Variants in IARS1 observed in about 807,000 individuals in gnomAD.
IARS1 encodes isoleucyl-tRNA synthetase 1.
In IARS1, 124 loss-of-function variants were observed where a neutral mutation model predicts 168.2. The ratio of observed to expected loss-of-function variants is 0.74; its 90% CI spans 0.64 to 0.86. The LOEUF is 0.86. Ranked by LOEUF, IARS1 falls within the 40% of genes least tolerant of loss-of-function variation. IARS1 has a pLI of 0.00. For missense variants in IARS1, 1,452 were observed against 1,515.8 expected (o/e 0.96, Z 0.70); for synonymous variants, 532 against 529.4 (o/e 1.00, Z -0.07).
In IARS1 at chr9:92,258,874, T is replaced by G; in HGVS notation, c.1996A>C (p.Asn666His). 1 of 1,612,096 alleles carries G rather than the reference T, an allele frequency of 6.2e-7. No homozygotes were observed. Among genetic ancestry groups the G allele is most frequent in the Middle Eastern group, 1.7e-4 (1 of 5,962 alleles). The stretch of plus-strand genomic sequence containing the variant: ...CATACCTTCTGGAGCCTCAGAACGT[T>G]CTGGATTAAGAAGCGATAGGCATTG... ...WYNAYRFLIQ[N>H]VLRLQKEEEI... Residue 666 changes from asparagine (N) to histidine (H), a missense_variant, in exon 19 of 34, where the codon AAC becomes CAC. Coordinates refer to ENST00000443024, the MANE Select transcript of IARS1 (RefSeq NM_002161.6).
intron 10 of IARS1, among the ~76,000 whole-genome samples, chr9:92,273,986 T>C (rs1454255560): frequency 6.6e-6 from 1 of 152,252 alleles, no homozygotes; most frequent in African/African-American, 2.4e-5. Context: ...TGTTATTCTG[T>C]TTTTATTCAT....
At chr9:92,261,296 G>A (rs1831491023) in intron 17 of IARS1, among the ~76,000 whole-genome samples, 1 of 151,822 alleles carries the variant, frequency 6.6e-6, no homozygotes. Flanking sequence ...GTGATAGAGT[G>A]AGACTCTGTC....
intron 9 of IARS1, among the ~76,000 whole-genome samples, chr9:92,275,433 G>A (rs753043216): frequency 2.0e-5 from 3 of 151,980 alleles, no homozygotes; most frequent in African/African-American, 4.8e-5. Context: ...CACAGCACTC[G>A]GTTTCTTTGG....
At chr9:92,271,187 T>A in intron 11 of IARS1, 111 bp from the exon 12 acceptor site, 1 of 604,178 alleles carries the variant, frequency 1.7e-6, no homozygotes, top group Non-Finnish European at 2.8e-6. Context: ...ATAACAAATA[T>A]TATTTATTAT....
intron 15 of IARS1, 62 bp downstream of exon 15, chr9:92,265,418 A>G: frequency 7.1e-7 from 1 of 1,417,560 alleles, no homozygotes; most frequent in Non-Finnish European, 1.0e-6. Context: ...GTAATCTGCT[A>G]GAGACCAGGT....
chr9:92,222,511 T>C lies in IARS1; in HGVS notation c.3706+9A>G. The C allele has an allele frequency of 6.2e-7, 1 of 1,609,124 alleles. No individual in the cohort carries two copies. The highest frequency in any genetic ancestry group is 8.5e-7 in the Non-Finnish European group (1 of 1,178,542). ...AAAATAAAAAACTTACGGTCCACAA[T>C]CTCCTTACCCTGCGTTTGGGTCTCA... On this transcript the variant is annotated intron_variant, in intron 33 of 33. Transcript: ENST00000443024.
rs138699441 is a variant in IARS1 at position 92,242,130 on chromosome 9, A to T, written c.3177+24T>A. The T allele has an allele frequency of 6.9e-5, 109 of 1,581,064 alleles. 1 individual carries two copies. Among genetic ancestry groups the T allele is most frequent in the South Asian group, 4.3e-4 (38 of 89,036 alleles). ...ACCTAATCTGAAACCCTTTAGTAGT[A>T]GTTCAGTGGAACTCAGGACTCACCT... On this transcript the variant is annotated intron_variant, in intron 29 of 33. Transcript: ENST00000443024.
intron 21 of IARS1, 55 bp from the exon 22 acceptor site, chr9:92,251,940 TA>T (rs1198249950): frequency 2.4e-6 from 3 of 1,249,388 alleles, no homozygotes; most frequent in African/African-American, 1.5e-5. Flanking sequence ...TGTTTATCAT[TA>T]AAAAAATAAG....
At chr9:92,243,042 G>T in intron 28 of IARS1, 174 bp downstream of exon 28, 1 of 534,790 alleles carries the variant, frequency 1.9e-6, no homozygotes, top group Non-Finnish European at 3.5e-6. Context: ...GTGAACACGT[G>T]GGGAGAGGAA....
rs538302845 is a variant in IARS1 at position 92,274,115 on chromosome 9, T to G, written c.990+311A>C. ...CAGATTCCCCCTTCTGAACATTTAA[T>G]TAAGAACACAGCAGAGGTGATGGGA... On this transcript the variant is annotated intron_variant, in intron 10 of 33. Transcript: ENST00000443024. Among the ~76,000 whole-genome samples, 24 of 152,266 alleles carry G rather than the reference T, an allele frequency of 1.6e-4. 1 individual carries two copies. Among genetic ancestry groups the G allele is most frequent in the African/African-American group, 5.5e-4 (23 of 41,554 alleles).
chr9:92,273,203 G>A (rs1833338746), intron 10 of IARS1, among the ~76,000 whole-genome samples: 1 of 151,348 alleles, frequency 6.6e-6, no homozygotes, highest in Non-Finnish European at 1.5e-5. Flanking sequence ...TCTACTAAGA[G>A]TGGGGTAACC....
rs570511361 is a variant in IARS1 at position 92,237,584 on chromosome 9, C to A, written c.3283+3272G>T. ...TCTCCAACTATAGTTGTAGATTTGT[C>A]TATTTCTCCTTTAATGTCTGTATCT... On this transcript the variant is annotated intron_variant, in intron 30 of 33. Coordinates refer to ENST00000443024, the MANE Select transcript of IARS1 (RefSeq NM_002161.6). 5.9e-5 allele frequency among the ~76,000 whole-genome samples: 9 copies of A among 152,238 alleles called. No individual in the cohort carries two copies. In the South Asian group the frequency reaches 1.9e-3, roughly 32 times the overall value.
intron 30 of IARS1, among the ~76,000 whole-genome samples, chr9:92,231,286 AGT>A (rs917617302): frequency 6.6e-6 from 1 of 152,186 alleles, no homozygotes; most frequent in African/African-American, 2.4e-5. Flanking sequence ...TTCATAAACT[AGT>A]GTGTTTTATA....
At chr9:92,292,277 G>T (rs922844292) in intron 1 of IARS1, among the ~76,000 whole-genome samples, 13 of 150,942 alleles carry the variant, frequency 8.6e-5, no homozygotes, top group Non-Finnish European at 1.8e-4. Context: ...AGGCTAAAGC[G>T]ATCCTCTTGC....
At chr9:92,242,992 T>G in intron 28 of IARS1, 1 of 438,148 alleles carries the variant, frequency 2.3e-6, no homozygotes. Flanking sequence ...AAAAAAAGGA[T>G]GGGAAAAGGC....
chr9:92,239,882 G>C (rs919781435), intron 30 of IARS1, among the ~76,000 whole-genome samples: 2 of 152,164 alleles, frequency 1.3e-5, no homozygotes, highest in Non-Finnish European at 2.9e-5. Flanking sequence ...TGTCTGGCTA[G>C]AGTAGAGCAG....
chr9:92,253,518 T>A, intron 20 of IARS1, 65 bp from the exon 21 acceptor site: 1 of 1,031,782 alleles, frequency 9.7e-7, no homozygotes, highest in Non-Finnish European at 1.5e-6. Context: ...GGGGAGAGGG[T>A]TGGATACAAC....
rs142289796 is a variant in IARS1 at position 92,247,346 on chromosome 9, A to C, written c.2791+31T>G. The stretch of plus-strand genomic sequence containing the variant: ...AAAGTATCCCTCAGACTCAGGACAT[A>C]AATGGTGCCCTTGTCTGTGTAGACA... On this transcript the variant is annotated intron_variant, in intron 26 of 33. Coordinates refer to ENST00000443024, the MANE Select transcript of IARS1 (RefSeq NM_002161.6). 3.1e-3 allele frequency: 5,028 copies of C among 1,596,556 alleles called. 14 individuals are homozygous for C. The highest frequency in any genetic ancestry group is 3.6e-3 in the Non-Finnish European group (4,248 of 1,171,326).
rs771967440 is a variant in IARS1, at chr9:92,271,570, G to GTGAAGCAGCC, written c.1066_1075dup (p.Thr359ArgfsTer19). On this transcript the variant is annotated frameshift_variant, in exon 11 of 34. Transcript: ENST00000443024. LOFTEE classifies it high-confidence loss of function. Reference sequence around the variant, plus strand: ...TCCTGCGAAATCTGTCACCTCCGTTGTGAAGCAGCCTGAAGCATCCACAGG... The same window carrying GTGAAGCAGCC: ...TCCTGCGAAATCTGTCACCTCCGTTGTGAAGCAGCCTGAAGCAGCCTGAAGCATCCACAGG... The GTGAAGCAGCC allele has an allele frequency of 3.1e-6, 5 of 1,614,100 alleles. No individual in the cohort carries two copies. The highest frequency in any genetic ancestry group is 4.2e-6 in the Non-Finnish European group (5 of 1,179,976).
Sources: allele counts gnomAD v4.1 joint callset (sites outside exome capture counted in the v4.1 genomes callset), GRCh38; gene constraint gnomAD v4.1.1; transcripts MANE v1.5; gene names NCBI Gene and HGNC (gene_info 2026-07-23, HGNC 2026-07-21).